The following UBR3 variants were observed in gnomAD, a reference collection of about 807,000 sequenced individuals.
The protein encoded by UBR3 is E3 ubiquitin-protein ligase UBR3.
UBR3 carries 85 observed loss-of-function variants against 243.2 expected under a neutral mutation model. That is an observed-to-expected ratio of 0.35 (90% confidence interval 0.29 to 0.42). The LOEUF (loss-of-function observed/expected upper bound fraction) is 0.42. UBR3 is among the 10% of genes least tolerant of loss of function. The pLI is 1.00. For missense variants in UBR3, 1,686 were observed against 2,300.8 expected, an observed-to-expected ratio of 0.73 and a Z score of 5.47; for synonymous variants, 748 against 799.8, an observed-to-expected ratio of 0.94 and a Z score of 1.09.
chr2:169,846,840 C>G lies in UBR3; in HGVS notation c.545+18788C>G, dbSNP rs150547062. Among the ~76,000 whole-genome samples the G allele has an allele frequency of 5.0e-3, 758 of 152,236 alleles. 7 individuals are homozygous for G. Among genetic ancestry groups the G allele is most frequent in the African/African-American group, 0.017 (711 of 41,542 alleles). The stretch of plus-strand genomic sequence containing the variant: ...CTTGACTTCGTGGGCTCAGGTGATT[C>G]TCCCACTTCAGCCTCCTGAGTAACT... On this transcript the variant is annotated intron_variant, in intron 1 of 38. Transcript: ENST00000272793.
chr2:169,964,246 C>A, intron 24 of UBR3: 1 of 271,682 alleles, frequency 3.7e-6, no homozygotes, highest in Admixed American at 5.0e-5. Context: ...TACTTAAGAG[C>A]AGTCCTTTTT....
intron 24 of UBR3, among the ~76,000 whole-genome samples, chr2:169,981,260 G>T (rs1239735087): frequency 6.6e-6 from 1 of 152,014 alleles, no homozygotes; most frequent in East Asian, 1.9e-4. Flanking sequence ...GTGTGGAAAG[G>T]GGGAAAAGAG....
At chr2:169,829,872 C>G (rs903448909) in intron 1 of UBR3, among the ~76,000 whole-genome samples, 3 of 151,086 alleles carry the variant, frequency 2.0e-5, no homozygotes, top group African/African-American at 7.3e-5. Flanking sequence ...TTTCTCACAT[C>G]TAGTCTTCTA....
chr2:169,875,544 A>AG (rs2083576009), intron 2 of UBR3, among the ~76,000 whole-genome samples: 1 of 152,146 alleles, frequency 6.6e-6, no homozygotes, highest in Admixed American at 6.5e-5. Context: ...TTCATATCTT[A>AG]GGAGGTCATC....
chr2:170,014,169 C>A, intron 29 of UBR3: 1 of 166,772 alleles, frequency 6.0e-6, no homozygotes. Flanking sequence ...AATGTACAGA[C>A]TTAGGAATAT....
intron 1 of UBR3, among the ~76,000 whole-genome samples, chr2:169,840,468 T>C (rs954311605): frequency 3.3e-5 from 5 of 152,228 alleles, no homozygotes; most frequent in African/African-American, 7.2e-5. Flanking sequence ...CAGTCCACAC[T>C]GTACCTCTCA....
intron 32 of UBR3, among the ~76,000 whole-genome samples, chr2:170,051,555 A>G (rs1426412876): frequency 6.6e-6 from 1 of 152,206 alleles, no homozygotes; most frequent in African/African-American, 2.4e-5. Flanking sequence ...CATGTTGGCC[A>G]GGCTGGTCTC....
intron 24 of UBR3, chr2:169,964,482 T>C (rs1302597237): frequency 4.3e-6 from 2 of 468,626 alleles, no homozygotes; most frequent in Admixed American, 2.4e-5. Context: ...AAGAGAATGG[T>C]CACCTTATCC....
intron 6 of UBR3, among the ~76,000 whole-genome samples, chr2:169,894,322 GAAAAAA>G (rs59525862): frequency 1.2e-4 from 9 of 78,244 alleles, no homozygotes; most frequent in Admixed American, 3.7e-4. Context: ...TGACTCTTAA[GAAAAAA>G]AAAAAAAAAA....
At chr2:170,001,261 C>G (rs1205313462) in intron 26 of UBR3, 43 bp from the exon 27 acceptor site, 1 of 1,376,884 alleles carries the variant, frequency 7.3e-7, no homozygotes, top group Non-Finnish European at 1.0e-6. Flanking sequence ...TATGTTTGTA[C>G]TTCTTTAAAA....
At chr2:170,052,964 T>C (rs2091254920) in intron 32 of UBR3, among the ~76,000 whole-genome samples, 1 of 152,202 alleles carries the variant, frequency 6.6e-6, no homozygotes, top group African/African-American at 2.4e-5. Context: ...CCTTCAATAA[T>C]ATAATTTTTG....
intron 25 of UBR3, among the ~76,000 whole-genome samples, chr2:169,987,110 C>T (rs933375724): frequency 1.3e-5 from 2 of 151,872 alleles, no homozygotes; most frequent in African/African-American, 2.4e-5. Flanking sequence ...TTGTTCTGGC[C>T]GGGTGTGGTG....
intron 10 of UBR3, among the ~76,000 whole-genome samples, chr2:169,909,160 C>G (rs2085148719): frequency 6.6e-6 from 1 of 152,126 alleles, no homozygotes; most frequent in Admixed American, 6.6e-5. Flanking sequence ...GCTGGAACCA[C>G]AGAGTAAACA....
intron 30 of UBR3, among the ~76,000 whole-genome samples, chr2:170,017,522 G>GACAC (rs66540837): frequency 6.9e-6 from 1 of 145,136 alleles, no homozygotes; most frequent in African/African-American, 2.6e-5. Flanking sequence ...TATAATTACG[G>GACAC]ACACACACAC....
intron 33 of UBR3, among the ~76,000 whole-genome samples, chr2:170,058,791 C>T (rs2091396887): frequency 6.6e-6 from 1 of 152,192 alleles, no homozygotes; most frequent in Non-Finnish European, 1.5e-5. Flanking sequence ...GCTGGGATTA[C>T]AGGCGTGAGC....
chr2:170,055,337 AAAC>A, intron 32 of UBR3, 120 bp from the exon 33 acceptor site: 1 of 1,165,352 alleles, frequency 8.6e-7, no homozygotes, highest in Non-Finnish European at 1.2e-6. Context: ...ACAAACAAAA[AAAC>A]TATTAAGTGT....
At chr2:169,931,502 A>G (rs1251185301) in intron 18 of UBR3, among the ~76,000 whole-genome samples, 2 of 152,198 alleles carry the variant, frequency 1.3e-5, no homozygotes, top group African/African-American at 4.8e-5. Context: ...GTGGTTAACA[A>G]TGGTTAACAG....
intron 24 of UBR3, among the ~76,000 whole-genome samples, chr2:169,969,593 G>C (rs2087997552): frequency 6.8e-6 from 1 of 146,450 alleles, no homozygotes; most frequent in South Asian, 2.2e-4. Flanking sequence ...CTGTTACCCA[G>C]GCTGGAGTTC....
intron 11 of UBR3, among the ~76,000 whole-genome samples, chr2:169,921,160 TGAG>T (rs1181577410): frequency 6.6e-6 from 1 of 152,160 alleles, no homozygotes; most frequent in African/African-American, 2.4e-5. Context: ...GAAGAAATAT[TGAG>T]GAGGATTGAG....
Sources: allele counts gnomAD v4.1 joint callset (sites outside exome capture counted in the v4.1 genomes callset), GRCh38; gene constraint gnomAD v4.1.1; transcripts MANE v1.5; gene names NCBI Gene and HGNC (gene_info 2026-07-23, HGNC 2026-07-21).